Variants in PLSCR4 observed in about 807,000 individuals in gnomAD.
PLSCR4 encodes the protein Ca(2+)-dependent phospholipid scramblase 4.
In PLSCR4, 25 loss-of-function variants were observed where a neutral mutation model predicts 36.3. The ratio of observed to expected loss-of-function variants is 0.69; its 90% CI spans 0.50 to 0.96. The LOEUF (loss-of-function observed/expected upper bound fraction) is 0.96. Among genes scored for constraint, PLSCR4 ranks in the 40% least tolerant of loss-of-function variants. The pLI, the probability that PLSCR4 is intolerant of heterozygous loss-of-function variation, is 0.00. For synonymous variants in PLSCR4, 122 were observed against 132.9 expected (o/e 0.92, Z 0.56); for missense variants, 408 against 414.7 (o/e 0.98, Z 0.14).
At chr3:146,211,557 C>A (rs1175028840) in intron 3 of PLSCR4, among the ~76,000 whole-genome samples, 6 of 151,862 alleles carry the variant, frequency 4.0e-5, no homozygotes. Flanking sequence ...TTATGAAGTC[C>A]AATTTATTTT....
At chr3:146,246,943 C>T (rs2107869191) in intron 1 of PLSCR4, among the ~76,000 whole-genome samples, 1 of 152,302 alleles carries the variant, frequency 6.6e-6, no homozygotes, top group African/African-American at 2.4e-5. Flanking sequence ...AAGGCAACCA[C>T]AGACATTAGA....
intron 6 of PLSCR4, 80 bp downstream of exon 6, chr3:146,199,733 C>A: frequency 1.7e-6 from 2 of 1,153,274 alleles, no homozygotes; most frequent in Non-Finnish European, 2.6e-6. Flanking sequence ...GAATATCCTC[C>A]CTATGTAGTG....
chr3:146,248,025 A>C (rs2036409250), intron 1 of PLSCR4, among the ~76,000 whole-genome samples: 1 of 152,342 alleles, frequency 6.6e-6, no homozygotes, highest in South Asian at 2.1e-4. Flanking sequence ...TACTATAAAA[A>C]TGAATTTTAG....
intron 1 of PLSCR4, among the ~76,000 whole-genome samples, chr3:146,228,039 A>G (rs72991494): frequency 0.11 from 17,111 of 152,172 alleles, 2,731 homozygotes; most frequent in African/African-American, 0.36. Context: ...CAAATCTCAG[A>G]TCTTTCTCTG....
At chr3:146,211,551 G>A (rs2034622023) in intron 3 of PLSCR4, among the ~76,000 whole-genome samples, 1 of 152,002 alleles carries the variant, frequency 6.6e-6, no homozygotes, top group South Asian at 2.1e-4. Context: ...TAATTGTTAT[G>A]AAGTCCAATT....
At chr3:146,209,392 C>A (rs1559906360) in intron 3 of PLSCR4, among the ~76,000 whole-genome samples, 1 of 152,036 alleles carries the variant, frequency 6.6e-6, no homozygotes, top group East Asian at 1.9e-4. Context: ...AACCAAATAC[C>A]ACCTGTTCCC....
At chr3:146,226,501 T>C (rs1342903623) in intron 1 of PLSCR4, among the ~76,000 whole-genome samples, 2 of 152,208 alleles carry the variant, frequency 1.3e-5, no homozygotes, top group Non-Finnish European at 2.9e-5. Context: ...TATCTAGCTA[T>C]CTATAGTGGC....
intron 3 of PLSCR4, among the ~76,000 whole-genome samples, chr3:146,207,984 G>C (rs1576458355): frequency 6.6e-6 from 1 of 151,968 alleles, no homozygotes; most frequent in Non-Finnish European, 1.5e-5. Flanking sequence ...GCAAAACTAA[G>C]TAAGTGAAAA....
chr3:146,245,055 T>C (rs928993179), intron 1 of PLSCR4, among the ~76,000 whole-genome samples: 4 of 152,188 alleles, frequency 2.6e-5, no homozygotes, highest in South Asian at 2.1e-4. Context: ...CAAGACTTCA[T>C]TGGATGAAGT....
chr3:146,234,415 G>A lies in PLSCR4; in HGVS notation c.-21-12323C>T, dbSNP rs2035834234. Among the ~76,000 whole-genome samples, 3 of 152,088 alleles carry A rather than the reference G, an allele frequency of 2.0e-5. No individual in the cohort carries two copies. The South Asian group carries it at 6.2e-4, about 31-fold the overall frequency. ...CCATTCTGTCATGTCCCAGATCCTG[G>A]AAGTCTCACTGTGGAGAAAGCAGTA... On this transcript the variant is annotated intron_variant, in intron 1 of 8. Coordinates refer to ENST00000354952, the MANE Select transcript of PLSCR4 (RefSeq NM_020353.3).
At chr3:146,196,878 T>A (rs938763326) in intron 6 of PLSCR4, 85 bp from the exon 7 acceptor site, 77 of 1,135,566 alleles carry the variant, frequency 6.8e-5, no homozygotes, top group Non-Finnish European at 9.4e-5. Context: ...TCTAGATGTG[T>A]CCTCACTCAT....
chr3:146,217,722 A>G (rs1206258011), intron 3 of PLSCR4, among the ~76,000 whole-genome samples: 1 of 152,192 alleles, frequency 6.6e-6, no homozygotes, highest in Admixed American at 6.5e-5. Context: ...GTATGGGAAG[A>G]ATGGAGAAAG....
chr3:146,221,304 AT>A (rs1459090550), intron 2 of PLSCR4, among the ~76,000 whole-genome samples: 1 of 152,004 alleles, frequency 6.6e-6, no homozygotes, highest in Non-Finnish European at 1.5e-5. Context: ...AGTGAAGTTG[AT>A]TTTTTTTCCT....
chr3:146,211,227 G>A (rs555314500), intron 3 of PLSCR4, among the ~76,000 whole-genome samples: 1 of 152,022 alleles, frequency 6.6e-6, no homozygotes, highest in South Asian at 2.1e-4. Context: ...GTTATTGTCT[G>A]TTTTTATTTT....
chr3:146,212,432 G>A (rs867934325), intron 3 of PLSCR4, among the ~76,000 whole-genome samples: 1 of 24,714 alleles, frequency 4.0e-5, no homozygotes, highest in African/African-American at 1.4e-4. Context: ...GGGTTTTTTT[G>A]TTTTGTTTTT....
At chr3:146,226,886 A>C (rs1355750804) in intron 1 of PLSCR4, among the ~76,000 whole-genome samples, 2 of 152,224 alleles carry the variant, frequency 1.3e-5, no homozygotes, top group African/African-American at 4.8e-5. Flanking sequence ...AACTAGCTAC[A>C]TATTGCCTCA....
At chr3:146,222,979 T>C (rs1238346166) in intron 1 of PLSCR4, among the ~76,000 whole-genome samples, 3 of 151,846 alleles carry the variant, frequency 2.0e-5, no homozygotes, top group African/African-American at 7.3e-5. Flanking sequence ...TGGAAGAGGG[T>C]TCTGAGTCAT....
At chr3:146,245,483 C>A (rs1197402727) in intron 1 of PLSCR4, among the ~76,000 whole-genome samples, 1 of 151,790 alleles carries the variant, frequency 6.6e-6, no homozygotes, top group Non-Finnish European at 1.5e-5. Context: ...AGAAGGAATG[C>A]AAAACGAAAA....
At chr3:146,240,514 A>G (rs2036106791) in intron 1 of PLSCR4, among the ~76,000 whole-genome samples, 1 of 152,180 alleles carries the variant, frequency 6.6e-6, no homozygotes, top group African/African-American at 2.4e-5. Context: ...CTGATGTGGG[A>G]GGATTTCTTG....
Sources: allele counts gnomAD v4.1 joint callset (sites outside exome capture counted in the v4.1 genomes callset), GRCh38; gene constraint gnomAD v4.1.1; transcripts MANE v1.5; gene names NCBI Gene and HGNC (gene_info 2026-07-23, HGNC 2026-07-21).